Variants in MAGI2 observed in about 807,000 individuals in gnomAD.
The protein encoded by MAGI2 is membrane associated guanylate kinase, WW and PDZ domain containing 2, also known as membrane-associated guanylate kinase, WW and PDZ domain-containing protein 2.
MAGI2 carries 35 observed loss-of-function variants against 133.3 expected under a neutral mutation model. The ratio of observed to expected loss-of-function variants is 0.26; its 90% CI spans 0.20 to 0.35. The LOEUF (loss-of-function observed/expected upper bound fraction) is 0.35, where lower values mean the gene tolerates loss of function less well. Ranked by LOEUF, MAGI2 falls within the 10% of genes least tolerant of loss-of-function variation. The pLI is 1.00. For missense variants in MAGI2, 1,636 were observed against 1,863.4 expected (o/e 0.88, Z 2.25); for synonymous variants, 729 against 710.6 (o/e 1.03, Z -0.41).
intron 21 of MAGI2, among the ~76,000 whole-genome samples, chr7:78,028,123 GC>G (rs1809143992): frequency 6.6e-6 from 1 of 152,202 alleles, no homozygotes; most frequent in Non-Finnish European, 1.5e-5. Flanking sequence ...TAAGGTGATT[GC>G]TTTTTGTAAC....
intron 10 of MAGI2, among the ~76,000 whole-genome samples, chr7:78,209,262 T>G: frequency 1.4e-5 from 1 of 69,876 alleles, no homozygotes; most frequent in East Asian, 5.5e-4. Context: ...AACCTAAAAG[T>G]CATTCTTTTT....
intron 3 of MAGI2, among the ~76,000 whole-genome samples, chr7:78,529,668 G>GTTTTTTTTTTTTTTGTTTTT (rs1797280763): frequency 3.5e-5 from 2 of 57,382 alleles, no homozygotes; most frequent in Admixed American, 2.9e-4. Context: ...AAAGGAGATG[G>GTTTTTTTTTTTTTTGTTTTT]TTTTTTTTTT....
At chr7:78,667,214 ATGT>A (rs994171800) in intron 2 of MAGI2, among the ~76,000 whole-genome samples, 1 of 151,918 alleles carries the variant, frequency 6.6e-6, no homozygotes, top group African/African-American at 2.4e-5. Flanking sequence ...CAGATCTCTC[ATGT>A]TGTCCTTTTA....
intron 1 of MAGI2, among the ~76,000 whole-genome samples, chr7:79,326,484 A>T (rs1839703064): frequency 2.0e-5 from 3 of 152,148 alleles, no homozygotes; most frequent in Admixed American, 2.0e-4. Context: ...TTGATGTTTT[A>T]AAACGTCATT....
At chr7:79,117,635 C>T (rs1326331924) in intron 1 of MAGI2, among the ~76,000 whole-genome samples, 1 of 152,128 alleles carries the variant, frequency 6.6e-6, no homozygotes, top group Non-Finnish European at 1.5e-5. Flanking sequence ...CAGCTTTTAT[C>T]TGTATGCAGA....
chr7:78,659,424 C>CAAAAAAAAAAA (rs71085553), intron 2 of MAGI2, among the ~76,000 whole-genome samples: 3 of 23,676 alleles, frequency 1.3e-4, no homozygotes, highest in African/African-American at 3.6e-4. Flanking sequence ...GACTTCATCT[C>CAAAAAAAAAAA]AAAAAAAAAA....
chr7:79,324,869 T>G (rs1839566152), intron 1 of MAGI2, among the ~76,000 whole-genome samples: 1 of 150,532 alleles, frequency 6.6e-6, no homozygotes, highest in Non-Finnish European at 1.5e-5. Flanking sequence ...ACAAAATGCC[T>G]TTTCAGTATA....
chr7:78,624,085 T>C (rs1470623134), intron 3 of MAGI2, among the ~76,000 whole-genome samples: 2 of 152,168 alleles, frequency 1.3e-5, no homozygotes, highest in Admixed American at 1.3e-4. Context: ...TGATCAGTGA[T>C]GTTGAGTTTT....
At position 78,256,129 on chromosome 7, in the gene MAGI2, C is replaced by T. The variant is rs762159792; in HGVS notation, c.1861G>A (p.Asp621Asn). 1.3e-5 allele frequency: 21 copies of T among 1,613,680 alleles called. No homozygotes were observed. The highest frequency in any genetic ancestry group is 7.7e-5 in the South Asian group (7 of 91,052). The change falls in exon 10 of 22, where the codon GAC becomes AAC. Residue 621 changes from aspartate to asparagine, a missense_variant. By Grantham distance (23) the Asp-to-Asn change is conservative (BLOSUM62 1). Coordinates refer to ENST00000354212, the MANE Select transcript of MAGI2 (RefSeq NM_012301.4). ...GAQGFGFTIA[D>N]SPTGQRVKQI... ...TTCACCCGCTGTCCTGTAGGACTGTCGGCAATAGTGAAGCCGAAGCCCTGG... is the reference window on the plus strand; with the variant it reads ...TTCACCCGCTGTCCTGTAGGACTGTTGGCAATAGTGAAGCCGAAGCCCTGG...
intron 20 of MAGI2, among the ~76,000 whole-genome samples, chr7:78,085,791 A>T (rs1296639226): frequency 6.6e-6 from 1 of 150,982 alleles, no homozygotes; most frequent in African/African-American, 2.5e-5. Flanking sequence ...GGATTCTGAG[A>T]ATTCACCACT....
rs1491494586 is a variant in MAGI2 at position 79,449,897 on chromosome 7, T to TATATATATATATATAA, written c.301+3122_301+3123insTTATATATATATATAT. 3.5e-4 allele frequency among the ~76,000 whole-genome samples: 46 copies of TATATATATATATATAA among 132,334 alleles called. 1 individual carries two copies. Among genetic ancestry groups the TATATATATATATATAA allele is most frequent in the Admixed American group, 9.9e-4 (13 of 13,178 alleles). The allele number at this position is 132,334 out of a possible 152,430, so 86.8% of individuals were successfully genotyped here. A position where few individuals can be genotyped will look rare whatever the true frequency, so the allele number is the denominator to read the frequency against. The stretch of plus-strand genomic sequence containing the variant: ...ATATACATATATATATATATATATA[T>TATATATATATATATAA]AATGTCTTAAAATCCCAACATTTTA... On this transcript the variant is annotated intron_variant, in intron 1 of 21. Coordinates refer to ENST00000354212, the MANE Select transcript of MAGI2 (RefSeq NM_012301.4).
intron 1 of MAGI2, among the ~76,000 whole-genome samples, chr7:79,265,424 A>G (rs1036109646): frequency 1.3e-5 from 2 of 152,118 alleles, no homozygotes; most frequent in African/African-American, 2.4e-5. Context: ...CCTACCCACC[A>G]TTACCCAAAG....
In MAGI2 at chr7:78,125,905, T is replaced by C. The variant is rs1820931024; in HGVS notation, c.3424-68A>G. On this transcript the variant is annotated intron_variant, in intron 19 of 21. Transcript: ENST00000354212. ...ATCAGAGAAGCTTCTGTGGCTAGTC[T>C]CTGTGTTCTCCTTCTGTCTCTTAGT... The C allele has an allele frequency of 2.1e-6, 3 of 1,453,926 alleles. No individual in the cohort carries two copies. In the South Asian group the frequency reaches 3.6e-5, roughly 17 times the overall value. 90.1% of individuals were successfully genotyped at this position (1,453,926 alleles called of 1,614,324 possible).
At chr7:78,542,582 A>C (rs545995312) in intron 3 of MAGI2, among the ~76,000 whole-genome samples, 1 of 152,188 alleles carries the variant, frequency 6.6e-6, no homozygotes, top group African/African-American at 2.4e-5. Flanking sequence ...TGAAAAAGCT[A>C]ATGAAAATTT....
intron 3 of MAGI2, among the ~76,000 whole-genome samples, chr7:78,599,191 C>A (rs1804927012): frequency 6.6e-6 from 1 of 152,054 alleles, no homozygotes; most frequent in Non-Finnish European, 1.5e-5. Context: ...TCCACATGAC[C>A]ATTCCATACA....
chr7:78,388,760 A>G (rs1297587494), intron 6 of MAGI2, among the ~76,000 whole-genome samples: 2 of 152,212 alleles, frequency 1.3e-5, no homozygotes, highest in Non-Finnish European at 2.9e-5. Context: ...TCTATTTAAT[A>G]TACACATAAA....
intron 1 of MAGI2, among the ~76,000 whole-genome samples, chr7:79,316,034 T>G (rs879414250): frequency 9.9e-5 from 15 of 151,876 alleles, no homozygotes; most frequent in Non-Finnish European, 5.9e-5. Flanking sequence ...AAAATGAGAA[T>G]CATAACACTC....
At chr7:79,384,803 T>C (rs191545029) in intron 1 of MAGI2, among the ~76,000 whole-genome samples, 13 of 151,870 alleles carry the variant, frequency 8.6e-5, no homozygotes, top group Admixed American at 8.6e-4. Flanking sequence ...TTTTGTAATA[T>C]GTGGAATGAA....
intron 1 of MAGI2, among the ~76,000 whole-genome samples, chr7:79,371,133 T>TA (rs1843025880): frequency 6.6e-6 from 1 of 152,160 alleles, no homozygotes; most frequent in South Asian, 2.1e-4. Flanking sequence ...TTTCTTCTTC[T>TA]AAAATCCGAT....
Sources: gnomAD v4.1 joint callset for allele counts (sites outside exome capture counted in the v4.1 genomes callset) on GRCh38, gnomAD v4.1.1 for gene constraint, MANE v1.5 for transcripts, NCBI Gene and HGNC (gene_info 2026-07-23, HGNC 2026-07-21) for gene names.